The following NF1 variants were observed in gnomAD, a reference collection of about 807,000 sequenced individuals.
The protein encoded by NF1 is neurofibromin.
A neutral mutation model predicts 325.7 loss-of-function variants in NF1; 122 were observed. The observed-to-expected ratio is 0.37, with a 90% CI of 0.32 to 0.44. The LOEUF (loss-of-function observed/expected upper bound fraction) is 0.44. Among genes scored for constraint, NF1 ranks in the 20% least tolerant of loss-of-function variants. The pLI is 1.00. For missense variants in NF1, 2,140 were observed against 3,415.4 expected (o/e 0.63, Z 9.31); for synonymous variants, 1,091 against 1,186.0 (o/e 0.92, Z 1.65).
At chr17:31,364,032 C>T (rs867233049) in intron 57 of NF1, among the ~76,000 whole-genome samples, 3 of 152,330 alleles carry the variant, frequency 2.0e-5, no homozygotes, top group South Asian at 4.1e-4. Context: ...TGAGCCACGG[C>T]GCTCAGCCAT....
At chr17:31,157,425 T>C (rs17883198) in intron 2 of NF1, among the ~76,000 whole-genome samples, 2,226 of 152,284 alleles carry the variant, frequency 0.015, 55 homozygotes, top group African/African-American at 0.049. Flanking sequence ...TAGTATGACA[T>C]TGAAAAGACA....
At position 31,259,083 on chromosome 17, in the gene NF1, C is replaced by T. The variant is rs876658127; in HGVS notation, c.4384C>T (p.Arg1462Trp). Residue 1462 changes from arginine to tryptophan, a missense_variant, in exon 33 of 58, where the codon CGG (arginine) becomes TGG (tryptophan). Physicochemically the swap from Arg to Trp is moderately radical, Grantham distance 101 (BLOSUM62 -3). This residue lies in a region of NF1 where 336 missense variants were observed against 399.0 expected (regional missense o/e 0.84). Transcript: ENST00000358273. The part of the protein sequence containing the change: ...HVLFTKEEHM[R>W]PFNDFVKSNF... ...TCTCTTCACAAAAGAAGAACATATG[C>T]GGCCTTTCAATGATTTTGTGAAAAG... 4.4e-6 allele frequency: 7 copies of T among 1,604,350 alleles called. No individual in the cohort carries two copies. The highest frequency in any genetic ancestry group is 1.1e-5 in the South Asian group (1 of 89,912).
At chr17:31,131,840 T>C (rs949094193) in intron 1 of NF1, among the ~76,000 whole-genome samples, 2 of 149,934 alleles carry the variant, frequency 1.3e-5, no homozygotes, top group Non-Finnish European at 3.0e-5. Context: ...ATATAATCTA[T>C]TTAATCTCTG....
At chr17:31,263,078 GGT>G (rs1443068214) in intron 35 of NF1, among the ~76,000 whole-genome samples, 4 of 87,988 alleles carry the variant, frequency 4.5e-5, no homozygotes, top group South Asian at 3.3e-4. Context: ...TAGATAGATA[GGT>G]AGGTAGGTAG....
chr17:31,303,170 G>A (rs1446433978), intron 36 of NF1, among the ~76,000 whole-genome samples: 1 of 152,126 alleles, frequency 6.6e-6, no homozygotes, highest in Non-Finnish European at 1.5e-5. Flanking sequence ...CCAAGACTGG[G>A]CTACCATTTT....
intron 5 of NF1, among the ~76,000 whole-genome samples, chr17:31,175,367 T>G (rs1463205130): frequency 8.6e-5 from 9 of 104,436 alleles, no homozygotes; most frequent in Non-Finnish European, 2.1e-4. Context: ...TTTTTTTTTT[T>G]TGGACAGAGT....
chr17:31,281,569 C>T (rs2068118463), intron 36 of NF1, among the ~76,000 whole-genome samples: 1 of 152,134 alleles, frequency 6.6e-6, no homozygotes, highest in Non-Finnish European at 1.5e-5. Context: ...CTCACCATTG[C>T]CCCCTTTGCC....
At chr17:31,258,318 C>T (rs2151461629) in intron 31 of NF1, 26 bp from the exon 32 acceptor site, 2 of 1,613,448 alleles carry the variant, frequency 1.2e-6, no homozygotes, top group Non-Finnish European at 1.7e-6. Flanking sequence ...AAACCTTATA[C>T]TCAATTCTCA....
At chr17:31,264,081 G>A (rs1419492718) in intron 35 of NF1, among the ~76,000 whole-genome samples, 1 of 152,040 alleles carries the variant, frequency 6.6e-6, no homozygotes, top group East Asian at 1.9e-4. Context: ...AGAAATACTA[G>A]GTGTAAAAGA....
At chr17:31,230,049 T>TTATTTTATC in intron 22 of NF1, 75 bp downstream of exon 22, 2 of 1,570,940 alleles carry the variant, frequency 1.3e-6, no homozygotes, top group Non-Finnish European at 8.7e-7. Flanking sequence ...ATACTGGTAG[T>TTATTTTATC]AATTGATAAA....
intron 47 of NF1, among the ~76,000 whole-genome samples, chr17:31,341,615 G>GTC (rs2069825047): frequency 8.7e-6 from 1 of 114,444 alleles, no homozygotes; most frequent in Non-Finnish European, 1.8e-5. Flanking sequence ...GTGTGTGTGT[G>GTC]TGTGTACACA....
intron 32 of NF1, 116 bp downstream of exon 32, chr17:31,258,618 T>C (rs546648663): frequency 3.6e-6 from 4 of 1,116,930 alleles, no homozygotes; most frequent in African/African-American, 1.6e-5. Context: ...TTTTCAGTTA[T>C]GTGCTTTTGT....
intron 36 of NF1, chr17:31,296,364 T>C: frequency 6.2e-7 from 1 of 1,613,250 alleles, no homozygotes; most frequent in Non-Finnish European, 8.5e-7. Flanking sequence ...ACACCCTTCT[T>C]TTAATATGCA....
At chr17:31,209,054 T>C (rs2066675131) in intron 12 of NF1, among the ~76,000 whole-genome samples, 1 of 152,226 alleles carries the variant, frequency 6.6e-6, no homozygotes, top group African/African-American at 2.4e-5. Flanking sequence ...TAGGGGGCTG[T>C]ACTGCGCATT....
chr17:31,285,772 G>C (rs916645101), intron 36 of NF1, among the ~76,000 whole-genome samples: 13 of 151,792 alleles, frequency 8.6e-5, no homozygotes, highest in African/African-American at 3.1e-4. Flanking sequence ...TAGCCTAGGA[G>C]GTCAAGGCTG....
intron 11 of NF1, among the ~76,000 whole-genome samples, chr17:31,205,092 A>G (rs1429363618): frequency 1.3e-5 from 2 of 152,162 alleles, no homozygotes; most frequent in Non-Finnish European, 2.9e-5. Flanking sequence ...TGTGTATCAT[A>G]AGTTGGTTTT....
At chr17:31,186,130 A>G (rs553190650) in intron 8 of NF1, among the ~76,000 whole-genome samples, 2 of 152,224 alleles carry the variant, frequency 1.3e-5, no homozygotes, top group African/African-American at 2.4e-5. Context: ...GAAGTGGTAC[A>G]TACACGATCG....
intron 46 of NF1, chr17:31,340,282 G>A (rs2069782612): frequency 5.3e-6 from 3 of 568,946 alleles, no homozygotes; most frequent in Non-Finnish European, 9.3e-6. Flanking sequence ...AAAGAACAGG[G>A]AGAAGTCAAA....
At chr17:31,150,769 C>T (rs190056447) in intron 1 of NF1, among the ~76,000 whole-genome samples, 13 of 152,190 alleles carry the variant, frequency 8.5e-5, no homozygotes, top group Admixed American at 3.3e-4. Context: ...CGGTGGCTCA[C>T]GCCTGTAATC....
Sources: allele counts gnomAD v4.1 joint callset (sites outside exome capture counted in the v4.1 genomes callset), GRCh38; gene constraint gnomAD v4.1.1; regional missense constraint gnomAD v4.1.1; transcripts MANE v1.5; gene names NCBI Gene and HGNC (gene_info 2026-07-23, HGNC 2026-07-21).